RUNDC3B: variants seen among roughly 807,000 people sequenced by gnomAD.
RUNDC3B encodes the protein RUN domain-containing protein 3B.
RUNDC3B carries 33 observed loss-of-function variants against 58.4 expected under a neutral mutation model. The observed-to-expected ratio is 0.56, with a 90% confidence interval of 0.43 to 0.75. The LOEUF is 0.75. Among genes scored for constraint, RUNDC3B ranks in the 30% least tolerant of loss-of-function variants. The probability of loss-of-function intolerance (pLI) is 0.00; values close to 1 mark genes in which losing one functional copy is unlikely to be tolerated. For synonymous variants in RUNDC3B, 193 were observed against 195.2 expected (o/e 0.99, Z 0.10); for missense variants, 501 against 535.7 (o/e 0.94, Z 0.64).
At chr7:87,673,229 G>T (rs916532048) in intron 2 of RUNDC3B, among the ~76,000 whole-genome samples, 1 of 152,098 alleles carries the variant, frequency 6.6e-6, no homozygotes, top group Non-Finnish European at 1.5e-5. Context: ...TATTTTGCAG[G>T]ATTCTCTGCA....
At chr7:87,730,876 C>T (rs565305970) in intron 4 of RUNDC3B, among the ~76,000 whole-genome samples, 1 of 152,154 alleles carries the variant, frequency 6.6e-6, no homozygotes, top group East Asian at 1.9e-4. Flanking sequence ...GAGACAGACA[C>T]TTTGTTTGGT....
chr7:87,632,772 CAG>C (rs1390827893), intron 1 of RUNDC3B, among the ~76,000 whole-genome samples: 2 of 152,070 alleles, frequency 1.3e-5, no homozygotes, highest in Non-Finnish European at 2.9e-5. Flanking sequence ...GTTTTGGTGG[CAG>C]AGTATTAAAA....
chr7:87,758,673 A>G (rs984619567), intron 6 of RUNDC3B, among the ~76,000 whole-genome samples: 1 of 152,216 alleles, frequency 6.6e-6, no homozygotes, highest in Non-Finnish European at 1.5e-5. Context: ...CAAAAGATCT[A>G]AATGGACATT....
chr7:87,763,866 G>A (rs1252665093), intron 6 of RUNDC3B, among the ~76,000 whole-genome samples: 2 of 151,702 alleles, frequency 1.3e-5, no homozygotes, highest in Non-Finnish European at 3.0e-5. Context: ...TTTGGCAGAG[G>A]TATCTGTTTC....
intron 1 of RUNDC3B, among the ~76,000 whole-genome samples, chr7:87,648,958 C>T (rs1002303946): frequency 6.6e-6 from 1 of 151,472 alleles, no homozygotes; most frequent in African/African-American, 2.4e-5. Flanking sequence ...CCCTTTATGC[C>T]TGTCTCCTGT....
intron 8 of RUNDC3B, among the ~76,000 whole-genome samples, chr7:87,795,723 C>T (rs145437250): frequency 8.8e-6 from 1 of 113,376 alleles, no homozygotes; most frequent in South Asian, 2.9e-4. Context: ...ACTAAAAATA[C>T]AAAAAAAAAA....
intron 6 of RUNDC3B, among the ~76,000 whole-genome samples, chr7:87,765,550 C>T (rs1232976351): frequency 6.6e-6 from 1 of 151,664 alleles, no homozygotes; most frequent in East Asian, 1.9e-4. Flanking sequence ...TTTTGTTTAC[C>T]CAAATGTCTT....
At chr7:87,817,158 T>C (rs774938249) in intron 10 of RUNDC3B, among the ~76,000 whole-genome samples, 1 of 152,222 alleles carries the variant, frequency 6.6e-6, no homozygotes, top group Non-Finnish European at 1.5e-5. Context: ...CTATAGCCAT[T>C]ATCCTAGATT....
intron 6 of RUNDC3B, among the ~76,000 whole-genome samples, chr7:87,752,301 A>G (rs1378739531): frequency 1.3e-5 from 2 of 152,162 alleles, no homozygotes; most frequent in African/African-American, 4.8e-5. Flanking sequence ...GGATTTTTGC[A>G]TCAATGTTCA....
intron 2 of RUNDC3B, among the ~76,000 whole-genome samples, chr7:87,651,336 G>A (rs1823549688): frequency 6.6e-6 from 1 of 152,088 alleles, no homozygotes; most frequent in African/African-American, 2.4e-5. Flanking sequence ...TTAGCAGGTA[G>A]TAGGTTAAAA....
intron 6 of RUNDC3B, among the ~76,000 whole-genome samples, chr7:87,754,041 A>T (rs558737642): frequency 6.6e-6 from 1 of 152,310 alleles, no homozygotes; most frequent in African/African-American, 2.4e-5. Context: ...CAAGAAGAAG[A>T]GTCTTGCTGG....
chr7:87,738,884 A>G (rs1832148977), intron 4 of RUNDC3B, among the ~76,000 whole-genome samples: 1 of 151,964 alleles, frequency 6.6e-6, no homozygotes, highest in Non-Finnish European at 1.5e-5. Context: ...AAACTCAGAA[A>G]TACTGAAAAG....
intron 4 of RUNDC3B, among the ~76,000 whole-genome samples, chr7:87,733,376 T>G (rs141458195): frequency 0.021 from 3,196 of 152,314 alleles, 27 homozygotes; most frequent in Middle Eastern, 0.044. Context: ...TTAGGAGCAT[T>G]TCATCTTTTA....
chr7:87,698,417 A>G (rs1396501046), intron 2 of RUNDC3B, among the ~76,000 whole-genome samples: 3 of 152,204 alleles, frequency 2.0e-5, no homozygotes, highest in Non-Finnish European at 4.4e-5. Flanking sequence ...TTAAAGAGAC[A>G]TTGAATTATA....
chr7:87,752,137 T>C (rs1262082152), intron 6 of RUNDC3B, among the ~76,000 whole-genome samples: 1 of 152,248 alleles, frequency 6.6e-6, no homozygotes, highest in African/African-American at 2.4e-5. Context: ...GATAATCATA[T>C]GGTTTTTGTC....
intron 7 of RUNDC3B, among the ~76,000 whole-genome samples, chr7:87,771,131 T>C (rs1415487225): frequency 1.3e-5 from 2 of 152,200 alleles, no homozygotes; most frequent in Non-Finnish European, 2.9e-5. Flanking sequence ...TTAAGCACTG[T>C]AGTAGGCAAA....
intron 2 of RUNDC3B, among the ~76,000 whole-genome samples, chr7:87,654,894 A>G (rs1823934467): frequency 6.6e-6 from 1 of 152,144 alleles, no homozygotes; most frequent in African/African-American, 2.4e-5. Context: ...CTGAATAGAC[A>G]TTCTCAAATA....
At chr7:87,735,018 T>G (rs578260385) in intron 4 of RUNDC3B, among the ~76,000 whole-genome samples, 5 of 152,316 alleles carry the variant, frequency 3.3e-5, no homozygotes, top group Admixed American at 3.3e-4. Context: ...TCCTGGAGTT[T>G]CGTCCATTCC....
chr7:87,780,523 T>G (rs1402866878), intron 8 of RUNDC3B, among the ~76,000 whole-genome samples: 1 of 152,220 alleles, frequency 6.6e-6, no homozygotes, highest in Non-Finnish European at 1.5e-5. Flanking sequence ...ATGCATAGTT[T>G]GTGAGTGTTT....
Sources: allele counts gnomAD v4.1 joint callset (sites outside exome capture counted in the v4.1 genomes callset), GRCh38; gene constraint gnomAD v4.1.1; transcripts MANE v1.5; gene names NCBI Gene and HGNC (gene_info 2026-07-23, HGNC 2026-07-21).